The following EVL variants were observed in gnomAD, a reference collection of about 807,000 sequenced individuals.
EVL encodes ena/VASP-like protein.
A neutral mutation model predicts 59.6 loss-of-function variants in EVL; 21 were observed. That is an observed-to-expected ratio of 0.35 (90% CI 0.25 to 0.51). The LOEUF (loss-of-function observed/expected upper bound fraction) is 0.51. EVL is among the 20% of genes least tolerant of loss of function. EVL has a pLI of 0.97. For synonymous variants in EVL, 198 were observed against 203.5 expected, an observed-to-expected ratio of 0.97 and a Z score of 0.23; for missense variants, 462 against 546.6, an observed-to-expected ratio of 0.85 and a Z score of 1.54.
intron 3 of EVL, chr14:100,107,109 G>T (rs1190264496): frequency 2.5e-6 from 1 of 398,690 alleles, no homozygotes; most frequent in African/African-American, 2.1e-5. Flanking sequence ...CCGGTGCCTG[G>T]TATGTGGCCT....
intron 1 of EVL, among the ~76,000 whole-genome samples, chr14:100,013,442 T>C (rs2061029799): frequency 1.3e-5 from 2 of 152,104 alleles, no homozygotes; most frequent in Non-Finnish European, 1.5e-5. Context: ...TCTTCCCCAT[T>C]TTAGGATGAG....
chr14:100,028,541 G>A lies in EVL; in HGVS notation c.6-56146G>A, dbSNP rs138798429. 1.5e-3 allele frequency among the ~76,000 whole-genome samples: 222 copies of A among 152,288 alleles called. 8 individuals are homozygous for A. In the East Asian group the frequency reaches 0.033, roughly 23 times the overall value. On this transcript the variant is annotated intron_variant, in intron 1 of 13. Coordinates refer to the EVL transcript ENST00000402714. ...AAATAACAATCTATCGGCCGGGCGC[G>A]GTGGCTCACGCCTGTAATCCCAGCA...
intron 1 of EVL, among the ~76,000 whole-genome samples, chr14:99,992,525 C>T (rs1368584142): frequency 1.3e-5 from 2 of 152,152 alleles, no homozygotes; most frequent in Non-Finnish European, 2.9e-5. Context: ...TGTCTTGAAA[C>T]TTTTCCGCCA....
At chr14:99,993,352 C>T (rs1013107105) in intron 1 of EVL, among the ~76,000 whole-genome samples, 2 of 152,150 alleles carry the variant, frequency 1.3e-5, no homozygotes, top group African/African-American at 4.8e-5. Context: ...GCCACCGCGC[C>T]CGGTCGTTTA....
chr14:100,032,277 T>C (rs1595589957), intron 1 of EVL, among the ~76,000 whole-genome samples: 1 of 152,136 alleles, frequency 6.6e-6, no homozygotes, highest in East Asian at 1.9e-4. Context: ...TTTTGGGGAG[T>C]GAAGGAATAG....
chr14:99,974,526 G>A (rs954874735), intron 1 of EVL: 3 of 153,300 alleles, frequency 2.0e-5, no homozygotes, highest in African/African-American at 7.2e-5. Context: ...CCCTGACTGA[G>A]GTGTGGCAGT....
rs147238441 is a variant in EVL at position 100,114,264 on chromosome 14, TCA to T, written c.359-9272_359-9271del. 6.6e-6 allele frequency among the ~76,000 whole-genome samples: 1 copy of T among 152,192 alleles called. No homozygotes were observed. The highest frequency in any genetic ancestry group is 2.4e-5 in the African/African-American group (1 of 41,530). On this transcript the variant is annotated intron_variant, in intron 3 of 13. Transcript: ENST00000392920. The surrounding 1 kb of genome is among the most constrained non-coding windows in gnomAD (Gnocchi z 5.0). ...GGGTGGTGCCAAATTTAGGCATGCCTCACAGGCATTCTCTGCACACTTGCTCC... is the reference window on the plus strand; with the variant it reads ...GGGTGGTGCCAAATTTAGGCATGCCTCAGGCATTCTCTGCACACTTGCTCC...
chr14:100,014,718 A>G (rs904731778), intron 1 of EVL, among the ~76,000 whole-genome samples: 7 of 152,146 alleles, frequency 4.6e-5, no homozygotes, highest in Non-Finnish European at 7.4e-5. Context: ...TTAACTGGCA[A>G]TTGGTAGGGT....
chr14:99,989,295 C>T (rs2060860462), intron 1 of EVL, among the ~76,000 whole-genome samples: 1 of 152,172 alleles, frequency 6.6e-6, no homozygotes, highest in South Asian at 2.1e-4. Context: ...AATCTCTTCT[C>T]TTTGTCCCCA....
chr14:100,051,097 T>G (rs1057039318), intron 1 of EVL, among the ~76,000 whole-genome samples: 82 of 152,210 alleles, frequency 5.4e-4, no homozygotes, highest in African/African-American at 1.5e-3. Context: ...TCCACGGTTT[T>G]GCTTTTCACT....
rs1011389383 is a variant in EVL at position 100,065,494 on chromosome 14, T to G, written c.-7T>G. The G allele has an allele frequency of 6.6e-7, 1 of 1,521,694 alleles. No individual in the cohort carries two copies. The highest frequency in any genetic ancestry group is 1.9e-5 in the Admixed American group (1 of 52,638). The allele number at this position is 1,521,694 out of a possible 1,614,324, so 94.3% of individuals were successfully genotyped here. The stretch of plus-strand genomic sequence containing the variant: ...CTCAGGGTTCCCTGTGCTGCCACTT[T>G]TCAGCCATGGCCACAAGGTGAGTAT... On this transcript the variant is annotated 5_prime_UTR_variant, in exon 1 of 14. Coordinates refer to ENST00000392920, the MANE Select transcript of EVL (RefSeq NM_016337.3).
chr14:99,991,768 A>G (rs957333246), intron 1 of EVL, among the ~76,000 whole-genome samples: 1 of 152,228 alleles, frequency 6.6e-6, no homozygotes, highest in Non-Finnish European at 1.5e-5. Context: ...AGAATACAGT[A>G]TATATAATAC....
At chr14:100,009,068 C>T (rs933693156) in intron 1 of EVL, among the ~76,000 whole-genome samples, 1 of 152,232 alleles carries the variant, frequency 6.6e-6, no homozygotes, top group African/African-American at 2.4e-5. Flanking sequence ...TTACAACTCT[C>T]TTAGGCATAT....
Position 100,079,494 on chromosome 14 carries a change from G to T in EVL, c.12-5193G>T, listed in dbSNP as rs567931520. Among the ~76,000 whole-genome samples the T allele has an allele frequency of 3.9e-5, 6 of 152,314 alleles. 1 individual carries two copies. Among genetic ancestry groups the T allele is most frequent in the Middle Eastern group, 6.8e-3 (2 of 294 alleles). ...CAGACACCTCAGCAGATTCGGAGAG[G>T]CAGGACAAACTGAAAAGCGCTCTGG... On this transcript the variant is annotated intron_variant, in intron 1 of 13. Transcript: ENST00000392920.
chr14:99,972,042 C>T lies in EVL; in HGVS notation c.-11C>T, dbSNP rs1358786807. ...GCCCCTGGCCCGGCGCGCCCGTCCCCGGCAGCGACAATGAGGTGAGTCGGG... is the reference window on the plus strand; with the variant it reads ...GCCCCTGGCCCGGCGCGCCCGTCCCTGGCAGCGACAATGAGGTGAGTCGGG... On this transcript the variant is annotated 5_prime_UTR_variant, in exon 1 of 14. Coordinates refer to the EVL transcript ENST00000402714. This position sits in a 1 kb window ranked among gnomAD's most constrained non-coding sequence, Gnocchi z 4.4. The T allele has an allele frequency of 2.7e-5, 7 of 258,150 alleles. No individual in the cohort carries two copies. Among genetic ancestry groups the T allele is most frequent in the Admixed American group, 5.6e-5 (1 of 17,984 alleles). The allele number at this position is 258,150 out of a possible 1,614,324, so 16.0% of individuals were successfully genotyped here.
chr14:100,119,365 C>A (rs1887550002), intron 3 of EVL, among the ~76,000 whole-genome samples: 1 of 152,324 alleles, frequency 6.6e-6, no homozygotes, highest in African/African-American at 2.4e-5. Flanking sequence ...AAAATCAGCT[C>A]CCAGACTCAA....
intron 1 of EVL, chr14:100,052,696 T>C (rs552667089): frequency 1.3e-5 from 2 of 151,150 alleles, no homozygotes; most frequent in Non-Finnish European, 2.9e-5. Flanking sequence ...GAGGTTGCAG[T>C]GAGCAGAGAT....
At chr14:100,112,124 C>T (rs564323973) in intron 3 of EVL, among the ~76,000 whole-genome samples, 160 of 152,288 alleles carry the variant, frequency 1.1e-3, no homozygotes, top group African/African-American at 3.6e-3. Flanking sequence ...TTACAAGTAG[C>T]CTCCTGCCAG....
chr14:99,977,685 C>A (rs1310236408), intron 1 of EVL, among the ~76,000 whole-genome samples: 1 of 152,058 alleles, frequency 6.6e-6, no homozygotes, highest in Non-Finnish European at 1.5e-5. Flanking sequence ...TCGCCCACCT[C>A]GGCCCCCCAA....
Sources: gnomAD v4.1 joint callset for allele counts (sites outside exome capture counted in the v4.1 genomes callset) on GRCh38, gnomAD v4.1.1 for gene constraint, Gnocchi (gnomAD v3.1) non-coding constraint, MANE v1.5 for transcripts, NCBI Gene and HGNC (gene_info 2026-07-23, HGNC 2026-07-21) for gene names.